Variants in NT5E observed in about 807,000 individuals in gnomAD.
The protein encoded by NT5E is 5'-nucleotidase ecto.
In NT5E, 53 loss-of-function variants were observed where a neutral mutation model predicts 55.1. The observed-to-expected ratio is 0.96, with a 90% CI of 0.77 to 1.21. NT5E has a LOEUF of 1.21. Among genes scored for constraint, NT5E ranks in the 50% most tolerant of loss-of-function variants. The pLI is 0.00. For missense variants in NT5E, 683 were observed against 724.3 expected, an observed-to-expected ratio of 0.94 and a Z score of 0.65; for synonymous variants, 270 against 278.4, an observed-to-expected ratio of 0.97 and a Z score of 0.30.
chr6:85,490,460 A>G, intron 6 of NT5E, 48 bp from the exon 7 acceptor site: 1 of 1,611,774 alleles, frequency 6.2e-7, no homozygotes, highest in South Asian at 1.1e-5. Context: ...TGGTGTAAGC[A>G]TTTTCTCAAG....
At chr6:85,453,804 G>A (rs1180460394) in intron 1 of NT5E, among the ~76,000 whole-genome samples, 3 of 152,182 alleles carry the variant, frequency 2.0e-5, no homozygotes, top group Non-Finnish European at 4.4e-5. Flanking sequence ...AACTCACCCA[G>A]GGGACAGGTT....
intron 3 of NT5E, among the ~76,000 whole-genome samples, chr6:85,484,918 A>AT (rs757125179): frequency 3.3e-5 from 5 of 152,202 alleles, no homozygotes; most frequent in Non-Finnish European, 5.9e-5. Flanking sequence ...GCTAGTGAGA[A>AT]TGGAGCCACA....
At chr6:85,465,618 A>G (rs1008057355) in intron 1 of NT5E, among the ~76,000 whole-genome samples, 2 of 152,322 alleles carry the variant, frequency 1.3e-5, no homozygotes, top group Non-Finnish European at 1.5e-5. Context: ...GGAGACAAGT[A>G]TGTAGGAATA....
chr6:85,474,733 G>A lies in NT5E; in HGVS notation c.751+3308G>A, dbSNP rs188896291. 2.9e-3 allele frequency among the ~76,000 whole-genome samples: 442 copies of A among 152,220 alleles called. 1 individual carries two copies. Among genetic ancestry groups the A allele is most frequent in the Non-Finnish European group, 4.7e-3 (321 of 68,008 alleles). Reference sequence around the variant, plus strand: ...TGCTTGAGCCCAGGAGTTCGAGACCGGCCTGGGCAAGATAGGGAGACCCCC... The same window carrying A: ...TGCTTGAGCCCAGGAGTTCGAGACCAGCCTGGGCAAGATAGGGAGACCCCC... On this transcript the variant is annotated intron_variant, in intron 3 of 8. Transcript: ENST00000257770.
intron 1 of NT5E, among the ~76,000 whole-genome samples, chr6:85,464,761 A>C (rs971355233): frequency 1.3e-5 from 2 of 152,324 alleles, no homozygotes; most frequent in Non-Finnish European, 2.9e-5. Context: ...CCAGGAGCAC[A>C]CTAAGGCAGC....
In NT5E at chr6:85,450,546, C is replaced by A. The variant is rs780937795; in HGVS notation, c.339+68C>A. 3 of 1,436,540 alleles carry A rather than the reference C, an allele frequency of 2.1e-6. No homozygotes were observed. The highest frequency in any genetic ancestry group is 1.2e-5 in the South Asian group (1 of 81,618). The allele number at this position is 1,436,540 out of a possible 1,614,324, so 89.0% of individuals were successfully genotyped here. On this transcript the variant is annotated intron_variant, in intron 1 of 8. Transcript: ENST00000257770. The surrounding 1 kb of genome is among the most constrained non-coding windows in gnomAD (Gnocchi z 4.0). Reference sequence around the variant, plus strand: ...GAGAGGAGCCGGGCTGGAAAAGCAGCGGATGGCAGAGTGTGGCAAGCCTAG... The same window carrying A: ...GAGAGGAGCCGGGCTGGAAAAGCAGAGGATGGCAGAGTGTGGCAAGCCTAG...
In NT5E at chr6:85,478,042, A is replaced by AG. The variant is rs1467374373; in HGVS notation, c.751+6617_751+6618insG. On this transcript the variant is annotated intron_variant, in intron 3 of 8. Transcript: ENST00000257770. ...ACCTTGTCTCAAAAAAAAAAAAAAA[A>AG]AGGATTTTGCTTTCCTGGTCTGTTT... Among the ~76,000 whole-genome samples, 12 of 151,938 alleles carry AG rather than the reference A, an allele frequency of 7.9e-5. No individual in the cohort carries two copies. In the East Asian group the frequency reaches 2.3e-3, roughly 29 times the overall value.
At chr6:85,464,726 A>C (rs1160276543) in intron 1 of NT5E, among the ~76,000 whole-genome samples, 1 of 152,200 alleles carries the variant, frequency 6.6e-6, no homozygotes, top group Non-Finnish European at 1.5e-5. Context: ...AATAGCTGGA[A>C]ACCCAGTTAG....
chr6:85,490,306 C>T (rs905199505), intron 6 of NT5E, among the ~76,000 whole-genome samples: 2 of 152,240 alleles, frequency 1.3e-5, no homozygotes, highest in Non-Finnish European at 2.9e-5. Flanking sequence ...CGCCATCTTG[C>T]CCAGTGGTGG....
intron 1 of NT5E, 47 bp from the exon 2 acceptor site, chr6:85,467,013 A>T: frequency 6.5e-7 from 1 of 1,536,636 alleles, no homozygotes; most frequent in South Asian, 1.1e-5. Context: ...GACTAATGTT[A>T]TGTTTTTAAA....
chr6:85,468,743 G>T (rs531521892), intron 2 of NT5E, among the ~76,000 whole-genome samples: 3 of 152,262 alleles, frequency 2.0e-5, no homozygotes, highest in Middle Eastern at 3.4e-3. Flanking sequence ...GGAAAGCATT[G>T]TCTCTTCTTT....
Position 85,450,152 on chromosome 6 carries a change from G to A in NT5E, c.13G>A (p.Ala5Thr), listed in dbSNP as rs756736170. 51 of 1,584,372 alleles carry A rather than the reference G, an allele frequency of 3.2e-5. No individual in the cohort carries two copies. The highest frequency in any genetic ancestry group is 4.1e-5 in the Non-Finnish European group (48 of 1,168,058). Reference protein sequence around the residue: MCPRAARAPATLLLA... With the variant: MCPRTARAPATLLLA... ...ACGCGCCACAGCTATGTGTCCCCGA[G>A]CCGCGCGGGCGCCCGCGACGCTACT... The change falls in exon 1 of 9, where the codon GCC (alanine) becomes ACC (threonine). Residue 5 changes from alanine (A) to threonine (T), a missense_variant. By Grantham distance (58) the Ala-to-Thr change is moderately conservative. Coordinates refer to ENST00000257770, the MANE Select transcript of NT5E (RefSeq NM_002526.4). This position sits in a 1 kb window ranked among gnomAD's most constrained non-coding sequence, Gnocchi z 4.0.
chr6:85,466,170 C>G (rs1172279099), intron 1 of NT5E, among the ~76,000 whole-genome samples: 3 of 152,034 alleles, frequency 2.0e-5, no homozygotes, highest in South Asian at 2.1e-4. Flanking sequence ...TCCCTCCACT[C>G]CCCCCCAGCC....
intron 3 of NT5E, among the ~76,000 whole-genome samples, chr6:85,471,764 A>G (rs1163945985): frequency 6.6e-6 from 1 of 152,156 alleles, no homozygotes; most frequent in Non-Finnish European, 1.5e-5. Context: ...ATAGATTCTT[A>G]TCAAAAAGCA....
rs1421054231 is a variant in NT5E at position 85,450,166 on chromosome 6, C to G, written c.27C>G (p.Pro9=). The part of the protein sequence containing the change: MCPRAARA[P]ATLLLALGAV... ...TGTGTCCCCGAGCCGCGCGGGCGCC[C>G]GCGACGCTACTCCTCGCCCTGGGCG... Residue 9 remains proline (P), a synonymous_variant, in exon 1 of 9, where the codon CCC becomes CCG. Coordinates refer to ENST00000257770, the MANE Select transcript of NT5E (RefSeq NM_002526.4). The surrounding 1 kb of genome is among the most constrained non-coding windows in gnomAD (Gnocchi z 4.0). 2.5e-6 allele frequency: 4 copies of G among 1,596,178 alleles called. No homozygotes were observed. The highest frequency in any genetic ancestry group is 1.3e-5 in the African/African-American group (1 of 74,566).
intron 8 of NT5E, among the ~76,000 whole-genome samples, chr6:85,492,580 G>C (rs570004884): frequency 1.3e-5 from 2 of 152,272 alleles, no homozygotes; most frequent in South Asian, 2.1e-4. Flanking sequence ...GAATCAGTCA[G>C]GTAGAAGTGG....
chr6:85,460,721 G>A (rs943883650), intron 1 of NT5E, among the ~76,000 whole-genome samples: 1 of 152,154 alleles, frequency 6.6e-6, no homozygotes, highest in Non-Finnish European at 1.5e-5. Context: ...AATGAATGCT[G>A]CCGTTGGTAT....
At chr6:85,464,308 G>A (rs924425354) in intron 1 of NT5E, among the ~76,000 whole-genome samples, 1 of 152,086 alleles carries the variant, frequency 6.6e-6, no homozygotes, top group African/African-American at 2.4e-5. Context: ...CAGATTTTCT[G>A]TACTCTTTAC....
chr6:85,455,712 T>C (rs1768975059), intron 1 of NT5E, among the ~76,000 whole-genome samples: 1 of 152,230 alleles, frequency 6.6e-6, no homozygotes, highest in Non-Finnish European at 1.5e-5. Context: ...CAGCCTGAAG[T>C]CAGGGCAGTC....
Sources: gnomAD v4.1 joint callset for allele counts (sites outside exome capture counted in the v4.1 genomes callset) on GRCh38, gnomAD v4.1.1 for gene constraint, Gnocchi (gnomAD v3.1) non-coding constraint, MANE v1.5 for transcripts, NCBI Gene and HGNC (gene_info 2026-07-23, HGNC 2026-07-21) for gene names.